Variants in PHF14 observed in about 807,000 individuals in gnomAD.
PHF14 encodes PHD finger protein 14.
In PHF14, 55 loss-of-function variants were observed where a neutral mutation model predicts 117.9. The ratio of observed to expected loss-of-function variants is 0.47; its 90% CI spans 0.38 to 0.58. PHF14 has a LOEUF of 0.58. Among genes scored for constraint, PHF14 ranks in the 20% least tolerant of loss-of-function variants. The probability of loss-of-function intolerance (pLI) is 0.00; values close to 1 mark genes in which losing one functional copy is unlikely to be tolerated. For synonymous variants in PHF14, 409 were observed against 368.6 expected (o/e 1.11, Z -1.26); for missense variants, 978 against 1,122.2 (o/e 0.87, Z 1.84).
At chr7:10,997,306 G>A (rs963618837) in intron 4 of PHF14, among the ~76,000 whole-genome samples, 1 of 152,180 alleles carries the variant, frequency 6.6e-6, no homozygotes, top group Non-Finnish European at 1.5e-5. Context: ...AGAGTTCAAA[G>A]TGAGAATAAA....
At position 11,036,982 on chromosome 7, in the gene PHF14, TAGAG is replaced by T. The variant is rs1215709514; in HGVS notation, c.1875_1878del (p.Arg626IlefsTer4). ...AGTAAAATTCGATATTTCATTTAAA[TAGAG>T]AGAAATATGCGCATGATTCAAATTC... On this transcript the variant is annotated splice_acceptor_variant and coding_sequence_variant, in exon 10 of 18. Transcript: ENST00000634607. LOFTEE classifies it high-confidence loss of function. The T allele has an allele frequency of 1.1e-5, 17 of 1,480,150 alleles. No homozygotes were observed. Among genetic ancestry groups the T allele is most frequent in the South Asian group, 2.6e-5 (2 of 78,374 alleles). 91.7% of individuals were successfully genotyped at this position (1,480,150 alleles called of 1,614,324 possible). A position where few individuals can be genotyped will look rare whatever the true frequency, so the allele number is the denominator to read the frequency against.
chr7:11,106,841 A>G, intron 16 of PHF14: 3 of 984,256 alleles, frequency 3.0e-6, no homozygotes, highest in Non-Finnish European at 3.6e-6. Flanking sequence ...GTGGACAGAC[A>G]TAATAGTCTA....
intron 17 of PHF14, among the ~76,000 whole-genome samples, chr7:11,141,528 A>G (rs999389412): frequency 6.6e-6 from 1 of 152,102 alleles, no homozygotes; most frequent in African/African-American, 2.4e-5. Context: ...ATATGCAGAA[A>G]AAGTAAAAAT....
At chr7:11,165,954 C>G (rs1272457599) in intron 17 of PHF14, among the ~76,000 whole-genome samples, 1 of 152,142 alleles carries the variant, frequency 6.6e-6, no homozygotes, top group Non-Finnish European at 1.5e-5. Flanking sequence ...CCATCTGTGC[C>G]TAGAAATTAC....
chr7:11,108,590 A>G (rs1201286028), intron 16 of PHF14: 1 of 151,828 alleles, frequency 6.6e-6, no homozygotes, highest in Non-Finnish European at 1.5e-5. Flanking sequence ...GGAATCAATC[A>G]GCAAGGATTA....
At chr7:11,017,104 C>T (rs563827958) in intron 5 of PHF14, among the ~76,000 whole-genome samples, 113 of 152,240 alleles carry the variant, frequency 7.4e-4, no homozygotes, top group African/African-American at 2.5e-3. Context: ...TGGCTTAGTA[C>T]TCCATTGTGT....
chr7:11,010,612 A>C (rs1783317936), intron 4 of PHF14, among the ~76,000 whole-genome samples: 2 of 152,108 alleles, frequency 1.3e-5, no homozygotes, highest in East Asian at 3.8e-4. Context: ...CTATTAACAT[A>C]GTATATATGA....
At chr7:11,092,755 G>A (rs559963377) in intron 16 of PHF14, among the ~76,000 whole-genome samples, 4 of 151,884 alleles carry the variant, frequency 2.6e-5, no homozygotes, top group African/African-American at 7.2e-5. Context: ...TTCTTTACTC[G>A]CTGAACCTGA....
intron 14 of PHF14, 157 bp from the exon 15 acceptor site, chr7:11,061,634 G>C (rs1785224689): frequency 2.3e-6 from 1 of 430,456 alleles, no homozygotes; most frequent in Non-Finnish European, 4.1e-6. Flanking sequence ...GTAACAAAGT[G>C]CAGTAGTCCA....
At chr7:11,053,022 A>G (rs917378173) in intron 14 of PHF14, among the ~76,000 whole-genome samples, 2 of 152,096 alleles carry the variant, frequency 1.3e-5, no homozygotes, top group Non-Finnish European at 2.9e-5. Flanking sequence ...CTTAGGGCAT[A>G]CTTTCCTTGC....
intron 17 of PHF14, among the ~76,000 whole-genome samples, chr7:11,160,919 T>C (rs1037334114): frequency 6.6e-6 from 1 of 152,158 alleles, no homozygotes; most frequent in Non-Finnish European, 1.5e-5. Context: ...TGAGTTTAAT[T>C]AGGTTCCATT....
intron 4 of PHF14, among the ~76,000 whole-genome samples, chr7:11,011,169 T>C (rs1457474538): frequency 1.3e-5 from 2 of 152,240 alleles, no homozygotes; most frequent in African/African-American, 4.8e-5. Flanking sequence ...TATAATGACG[T>C]CTAGTTAATT....
At chr7:11,098,970 T>C (rs1468666280) in intron 16 of PHF14, among the ~76,000 whole-genome samples, 2 of 152,302 alleles carry the variant, frequency 1.3e-5, no homozygotes, top group East Asian at 3.9e-4. Context: ...ATTAGAAAAT[T>C]AAGTAAATTT....
chr7:11,026,076 C>A (rs566862331), intron 6 of PHF14, among the ~76,000 whole-genome samples: 1 of 149,212 alleles, frequency 6.7e-6, no homozygotes, highest in African/African-American at 2.5e-5. Context: ...TGCACCACTG[C>A]ACTCCAGCCT....
At chr7:11,161,000 CAGAA>C (rs1562490779) in intron 17 of PHF14, among the ~76,000 whole-genome samples, 2 of 152,190 alleles carry the variant, frequency 1.3e-5, no homozygotes, top group Non-Finnish European at 2.9e-5. Context: ...GGCAGATGTC[CAGAA>C]TGGTGTTTCC....
intron 4 of PHF14, among the ~76,000 whole-genome samples, chr7:10,997,398 A>T (rs1583344939): frequency 1.3e-5 from 2 of 152,212 alleles, no homozygotes; most frequent in Admixed American, 1.3e-4. Flanking sequence ...GGGACAAGGG[A>T]TGTGAAATTG....
At chr7:11,046,872 A>T (rs6967802) in intron 13 of PHF14, among the ~76,000 whole-genome samples, 4,074 of 152,200 alleles carry the variant, frequency 0.027, 192 homozygotes, top group African/African-American at 0.093. Context: ...ATAAGAAAAA[A>T]AAAAACTCTG....
Position 10,974,273 on chromosome 7 carries a change from CCTG to C in PHF14, c.-49_-47del. Reference sequence around the variant, plus strand: ...CCCCGACCTCGGCGCTGCCTGGGCTCCTGCAGCCTCTCCCTAAGTCTTCTCCAA... The same window carrying C: ...CCCCGACCTCGGCGCTGCCTGGGCTCCAGCCTCTCCCTAAGTCTTCTCCAA... On this transcript the variant is annotated 5_prime_UTR_variant, in exon 1 of 18. Transcript: ENST00000634607. 6 of 1,553,510 alleles carry C rather than the reference CCTG, an allele frequency of 3.9e-6. No individual in the cohort carries two copies. Among genetic ancestry groups the C allele is most frequent in the Non-Finnish European group, 5.3e-6 (6 of 1,141,346 alleles).
At chr7:11,149,854 C>G (rs1788657205) in intron 17 of PHF14, among the ~76,000 whole-genome samples, 1 of 151,692 alleles carries the variant, frequency 6.6e-6, no homozygotes, top group African/African-American at 2.4e-5. Flanking sequence ...AGGATAGTTT[C>G]ACCTCTTTTA....
Sources: allele counts gnomAD v4.1 joint callset (sites outside exome capture counted in the v4.1 genomes callset), GRCh38; gene constraint gnomAD v4.1.1; transcripts MANE v1.5; gene names NCBI Gene and HGNC (gene_info 2026-07-23, HGNC 2026-07-21).